ANGPT2: variants seen among roughly 807,000 people sequenced by gnomAD.
ANGPT2 encodes angiopoietin 2.
A neutral mutation model predicts 62.9 loss-of-function variants in ANGPT2; 28 were observed. That is an observed-to-expected ratio of 0.44 (90% CI 0.33 to 0.61). The LOEUF (loss-of-function observed/expected upper bound fraction) is 0.61. Among genes scored for constraint, ANGPT2 ranks in the 20% least tolerant of loss-of-function variants. The pLI is 0.03. For synonymous variants in ANGPT2, 284 were observed against 207.8 expected (o/e 1.37, Z -3.15); for missense variants, 727 against 594.9 (o/e 1.22, Z -2.31).
chr8:6,528,237 C>A (rs934633531), intron 2 of ANGPT2, among the ~76,000 whole-genome samples: 1 of 152,140 alleles, frequency 6.6e-6, no homozygotes, highest in Non-Finnish European at 1.5e-5. Context: ...TAGTTCTGGA[C>A]AATGGGGTCT....
At chr8:6,542,169 C>T (rs543082327) in intron 1 of ANGPT2, among the ~76,000 whole-genome samples, 1 of 152,130 alleles carries the variant, frequency 6.6e-6, no homozygotes, top group Non-Finnish European at 1.5e-5. Flanking sequence ...TTAAGGCACA[C>T]TGAAAGAAAA....
chr8:6,537,101 C>G (rs1025250840), intron 1 of ANGPT2, among the ~76,000 whole-genome samples: 6 of 152,092 alleles, frequency 3.9e-5, no homozygotes, highest in Admixed American at 3.3e-4. Context: ...CAAAACAGTT[C>G]CAAGATACTT....
In ANGPT2 at chr8:6,501,068, T is replaced by G. The variant is rs984655542; in HGVS notation, c.*2033A>C. ...ACAAGGCCATGATACCGTTGTTGAA[T>G]TCATAAAACCTTCTTAAATATAAAG... On this transcript the variant is annotated 3_prime_UTR_variant, in exon 9 of 9. Transcript: ENST00000629816. 6.6e-6 allele frequency: 1 copy of G among 152,220 alleles called. No individual in the cohort carries two copies. Among genetic ancestry groups the G allele is most frequent in the African/African-American group, 2.4e-5 (1 of 41,452 alleles). The allele number at this position is 152,220 out of a possible 1,614,324, so 9.4% of individuals were successfully genotyped here.
chr8:6,534,361 C>G (rs1820123433), intron 1 of ANGPT2, among the ~76,000 whole-genome samples: 1 of 152,158 alleles, frequency 6.6e-6, no homozygotes, highest in African/African-American at 2.4e-5. Flanking sequence ...ATATGCAGAT[C>G]TACCCTGTTT....
rs147299839 is a variant in ANGPT2, at chr8:6,513,708, A to T, written c.1166T>A (p.Phe389Tyr). ...GNEAYSLYEH[F>Y]YLSSEELNYR... ...ATTGAGTTCTTCACTTGAGAGATAGAAATGTTCATACAATGAGTAAGCCTC... is the reference window on the plus strand; with the variant it reads ...ATTGAGTTCTTCACTTGAGAGATAGTAATGTTCATACAATGAGTAAGCCTC... Residue 389 changes from phenylalanine (F) to tyrosine (Y), a missense_variant, in exon 7 of 9, where the codon TTC becomes TAC. Phe to Tyr is a conservative substitution (Grantham distance 22). Coordinates refer to ENST00000629816, the MANE Select transcript of ANGPT2 (RefSeq NM_001118887.2). The T allele has an allele frequency of 1.2e-6, 2 of 1,613,060 alleles. No individual in the cohort carries two copies. The highest frequency in any genetic ancestry group is 1.7e-6 in the Non-Finnish European group (2 of 1,179,728).
intron 1 of ANGPT2, among the ~76,000 whole-genome samples, chr8:6,535,191 A>G (rs1283312722): frequency 6.6e-6 from 1 of 152,224 alleles, no homozygotes; most frequent in Non-Finnish European, 1.5e-5. Context: ...ACTCTAAATC[A>G]TACAACCAGA....
At chr8:6,521,496 T>C (rs996238477) in intron 3 of ANGPT2, 86 bp from the exon 4 acceptor site, 92 of 972,072 alleles carry the variant, frequency 9.5e-5, no homozygotes, top group Non-Finnish European at 1.3e-4. Context: ...TCCAAGGTAC[T>C]CTGTTAAGAT....
rs1460088820 is a variant in ANGPT2 at position 6,513,791 on chromosome 8, T to A, written c.1083A>T (p.Gln361His). The change falls in exon 7 of 9, where the codon CAA becomes CAT. Residue 361 changes from glutamine (Q) to histidine (H), a missense_variant. Coordinates refer to ENST00000629816, the MANE Select transcript of ANGPT2 (RefSeq NM_001118887.2). ...EYWLGNEFVSQLTNQQRYVLK... is the reference protein window; with the variant it reads ...EYWLGNEFVSHLTNQQRYVLK... Reference sequence around the variant, plus strand: ...GCACATAGCGTTGCTGATTAGTCAGTTGCGAAACAAACTCATTTCCCAGCC... The same window carrying A: ...GCACATAGCGTTGCTGATTAGTCAGATGCGAAACAAACTCATTTCCCAGCC... 2.5e-6 allele frequency: 4 copies of A among 1,613,884 alleles called. No individual in the cohort carries two copies. In the African/African-American group the frequency reaches 5.3e-5, roughly 22 times the overall value.
At chr8:6,503,308 C>T (rs1487257949) in intron 8 of ANGPT2, 47 bp from the exon 9 acceptor site, 5 of 1,604,746 alleles carry the variant, frequency 3.1e-6, no homozygotes, top group Middle Eastern at 1.7e-4. Flanking sequence ...GTGATGCCAG[C>T]TCCCACCACG....
chr8:6,524,839 G>A (rs1161219149), intron 3 of ANGPT2, among the ~76,000 whole-genome samples: 1 of 152,192 alleles, frequency 6.6e-6, no homozygotes. Context: ...AAGAGAAAAT[G>A]GAGACCCTGA....
In ANGPT2 at chr8:6,513,665, T is replaced by C. The variant is rs1815657725; in HGVS notation, c.1196+13A>G. On this transcript the variant is annotated intron_variant, in intron 7 of 8. Coordinates refer to ENST00000629816, the MANE Select transcript of ANGPT2 (RefSeq NM_001118887.2). The stretch of plus-strand genomic sequence containing the variant: ...TTTTAATTTTTTCTTTCAATTACCA[T>C]GAACTCACTTACCTATAATTGAGTT... The C allele has an allele frequency of 6.3e-7, 1 of 1,599,224 alleles. No individual in the cohort carries two copies. The highest frequency in any genetic ancestry group is 2.3e-5 in the East Asian group (1 of 44,370).
Position 6,551,881 on chromosome 8 carries a change from T to G in ANGPT2, c.288+10766A>C, listed in dbSNP as rs1161900252. 5.3e-5 allele frequency among the ~76,000 whole-genome samples: 8 copies of G among 152,322 alleles called. No individual in the cohort carries two copies. The South Asian group carries it at 1.7e-3, about 32-fold the overall frequency. On this transcript the variant is annotated intron_variant, in intron 1 of 8. Transcript: ENST00000629816. Reference sequence around the variant, plus strand: ...CCAACATTTCCCATTAAGACCAGTTTGTTTAGGGAATTTTTAAGCTACATC... The same window carrying G: ...CCAACATTTCCCATTAAGACCAGTTGGTTTAGGGAATTTTTAAGCTACATC...
chr8:6,553,252 T>A (rs115798742), intron 1 of ANGPT2, among the ~76,000 whole-genome samples: 1,943 of 152,268 alleles, frequency 0.013, 43 homozygotes, highest in African/African-American at 0.045. Flanking sequence ...GCTGTGAACC[T>A]AAAACTGCTC....
chr8:6,532,607 T>C, intron 1 of ANGPT2, 120 bp from the exon 2 acceptor site: 1 of 717,430 alleles, frequency 1.4e-6, no homozygotes, highest in Non-Finnish European at 2.0e-6. Context: ...TCAAAAGACT[T>C]GTACCTTGCC....
chr8:6,503,306 A>G, intron 8 of ANGPT2, 45 bp from the exon 9 acceptor site: 1 of 1,606,726 alleles, frequency 6.2e-7, no homozygotes. Flanking sequence ...AGGTGATGCC[A>G]GCTCCCACCA....
intron 1 of ANGPT2, among the ~76,000 whole-genome samples, chr8:6,560,505 C>T (rs970042262): frequency 6.6e-6 from 1 of 152,124 alleles, no homozygotes; most frequent in African/African-American, 2.4e-5. Context: ...ATTCCCAAGC[C>T]AGAAGCCGTA....
At chr8:6,536,445 C>A (rs904908537) in intron 1 of ANGPT2, among the ~76,000 whole-genome samples, 1 of 152,092 alleles carries the variant, frequency 6.6e-6, no homozygotes. Flanking sequence ...CTTGAGTATG[C>A]CTTCCAATTC....
At chr8:6,538,501 C>T (rs1820916680) in intron 1 of ANGPT2, among the ~76,000 whole-genome samples, 1 of 152,164 alleles carries the variant, frequency 6.6e-6, no homozygotes, top group Non-Finnish European at 1.5e-5. Flanking sequence ...CACACACCGC[C>T]TCCTGACTGG....
rs1395003259 is a variant in ANGPT2, at chr8:6,500,204, A to G, written c.*2897T>C. On this transcript the variant is annotated 3_prime_UTR_variant, in exon 9 of 9. Coordinates refer to ENST00000629816, the MANE Select transcript of ANGPT2 (RefSeq NM_001118887.2). ...CTGAGAAAAACAAAAATGAAAAAAG[A>G]CTGAATTCTTGGGCAGGTAGTCTTA... The G allele has an allele frequency of 4.6e-6, 2 of 433,362 alleles. No homozygotes were observed. The highest frequency in any genetic ancestry group is 2.3e-5 in the South Asian group (1 of 44,162). 26.8% of individuals were successfully genotyped at this position (433,362 alleles called of 1,614,324 possible).
Sources: allele counts gnomAD v4.1 joint callset (sites outside exome capture counted in the v4.1 genomes callset), GRCh38; gene constraint gnomAD v4.1.1; transcripts MANE v1.5; gene names NCBI Gene and HGNC (gene_info 2026-07-23, HGNC 2026-07-21).